Variants in PRKG1 observed in about 807,000 individuals in gnomAD.
PRKG1 encodes protein kinase cGMP-dependent 1.
PRKG1 carries 35 observed loss-of-function variants against 88.1 expected under a neutral mutation model. That is an observed-to-expected ratio of 0.40 (90% CI 0.30 to 0.53). The LOEUF is 0.53. PRKG1 is among the 20% of genes least tolerant of loss of function. The pLI is 0.59. For synonymous variants in PRKG1, 303 were observed against 292.5 expected (o/e 1.04, Z -0.37); for missense variants, 540 against 839.8 (o/e 0.64, Z 4.41).
chr10:51,348,202 T>G (rs1415065523), intron 2 of PRKG1, among the ~76,000 whole-genome samples: 1 of 152,142 alleles, frequency 6.6e-6, no homozygotes, highest in African/African-American at 2.4e-5. Context: ...AAAGGCCACT[T>G]AAGTCCACAT....
chr10:52,205,530 G>A (rs896207072), intron 9 of PRKG1, among the ~76,000 whole-genome samples: 3 of 152,166 alleles, frequency 2.0e-5, no homozygotes, highest in Admixed American at 6.5e-5. Flanking sequence ...CTTTAAAAGT[G>A]TGTTTTTTTG....
At chr10:51,424,344 A>C (rs1052786704) in intron 2 of PRKG1, among the ~76,000 whole-genome samples, 1 of 152,058 alleles carries the variant, frequency 6.6e-6, no homozygotes, top group Non-Finnish European at 1.5e-5. Flanking sequence ...TGAATTACAG[A>C]TCTTTCAAAT....
At chr10:51,329,807 G>A (rs966380653) in intron 2 of PRKG1, among the ~76,000 whole-genome samples, 3 of 151,840 alleles carry the variant, frequency 2.0e-5, no homozygotes, top group South Asian at 4.2e-4. Flanking sequence ...TTTTTGCTGC[G>A]AAGTCTTCTG....
At chr10:51,700,641 A>G (rs917880036) in intron 3 of PRKG1, among the ~76,000 whole-genome samples, 18 of 152,312 alleles carry the variant, frequency 1.2e-4, no homozygotes, top group African/African-American at 4.1e-4. Flanking sequence ...TCCCAAGGAC[A>G]AGCAGCTGGA....
chr10:51,223,522 A>G (rs1305670636), intron 2 of PRKG1, among the ~76,000 whole-genome samples: 1 of 152,280 alleles, frequency 6.6e-6, no homozygotes, highest in Middle Eastern at 3.4e-3. Flanking sequence ...ATCTATATAA[A>G]TGTATTCTCT....
chr10:51,135,458 C>T (rs1845664757), intron 1 of PRKG1, among the ~76,000 whole-genome samples: 1 of 152,000 alleles, frequency 6.6e-6, no homozygotes, highest in African/African-American at 2.4e-5. Flanking sequence ...TTCAGGGGCA[C>T]TCAGAAGTTT....
At position 52,133,965 on chromosome 10, in the gene PRKG1, T is replaced by C; in HGVS notation, c.1001+60T>C. On this transcript the variant is annotated intron_variant, in intron 8 of 17. Transcript: ENST00000373980. ...TCATATCAGCAACACACATGAGTTC[T>C]TGGAATTAGACATCATTTTATGGAG... 3 of 1,315,600 alleles carry C rather than the reference T, an allele frequency of 2.3e-6. No homozygotes were observed. In the South Asian group the frequency reaches 3.8e-5, roughly 16 times the overall value. The allele number at this position is 1,315,600 out of a possible 1,614,324, so 81.5% of individuals were successfully genotyped here.
intron 1 of PRKG1, among the ~76,000 whole-genome samples, chr10:51,077,045 GA>G (rs938262325): frequency 2.0e-5 from 3 of 151,984 alleles, no homozygotes; most frequent in African/African-American, 7.2e-5. Flanking sequence ...AAGAAAACTA[GA>G]AAAAAATTGG....
Position 51,091,756 on chromosome 10 carries a change from C to T in PRKG1, c.311+16855C>T, listed in dbSNP as rs7078948. Among the ~76,000 whole-genome samples the T allele has an allele frequency of 3.2e-3, 485 of 152,178 alleles. 2 individuals are homozygous for T. The highest frequency in any genetic ancestry group is 0.011 in the African/African-American group (452 of 41,518). On this transcript the variant is annotated intron_variant, in intron 1 of 17. Transcript: ENST00000373980. ...CAGGTTGCCATTTATAGAATACTTA[C>T]GGTGTGCAGGCATTCTACTGAGGAT... is the stretch of plus-strand genomic sequence containing the variant.
chr10:51,365,421 A>G (rs17600621), intron 2 of PRKG1, among the ~76,000 whole-genome samples: 1,834 of 152,076 alleles, frequency 0.012, 13 homozygotes, highest in Non-Finnish European at 0.017. Context: ...GTATAATGTC[A>G]TGAGATAAGA....
intron 5 of PRKG1, among the ~76,000 whole-genome samples, chr10:51,976,380 A>T (rs1843833040): frequency 6.6e-6 from 1 of 152,106 alleles, no homozygotes; most frequent in South Asian, 2.1e-4. Context: ...ACGGAAAAAC[A>T]AAATGTGATA....
At chr10:51,810,645 A>G (rs1673206400) in intron 4 of PRKG1, among the ~76,000 whole-genome samples, 1 of 152,200 alleles carries the variant, frequency 6.6e-6, no homozygotes, top group Non-Finnish European at 1.5e-5. Context: ...TATATCCAAC[A>G]TATTGTTAAA....
At chr10:51,249,076 A>T (rs868330559) in intron 2 of PRKG1, among the ~76,000 whole-genome samples, 2 of 151,856 alleles carry the variant, frequency 1.3e-5, no homozygotes, top group African/African-American at 4.8e-5. Flanking sequence ...AAATTTTTAA[A>T]AACATGATAA....
intron 9 of PRKG1, among the ~76,000 whole-genome samples, chr10:52,223,497 A>G (rs566361826): frequency 6.6e-6 from 1 of 152,232 alleles, no homozygotes; most frequent in East Asian, 1.9e-4. Flanking sequence ...CAATAGTTCT[A>G]TGTCGGCATG....
intron 4 of PRKG1, among the ~76,000 whole-genome samples, chr10:51,905,882 C>T (rs927591035): frequency 2.6e-5 from 4 of 152,018 alleles, no homozygotes; most frequent in Admixed American, 1.3e-4. Flanking sequence ...ATTTATAAAT[C>T]GCTGAAAATA....
chr10:51,456,102 G>A (rs532437809), intron 2 of PRKG1, among the ~76,000 whole-genome samples: 17 of 152,216 alleles, frequency 1.1e-4, no homozygotes, highest in Non-Finnish European at 2.1e-4. Flanking sequence ...TGAAAGTGAA[G>A]GAAGAGCAAA....
At chr10:51,554,564 A>C (rs1837260952) in intron 3 of PRKG1, among the ~76,000 whole-genome samples, 1 of 151,116 alleles carries the variant, frequency 6.6e-6, no homozygotes, top group Non-Finnish European at 1.5e-5. Flanking sequence ...CTCTTCCAGG[A>C]AGACTTCCAA....
At chr10:51,524,246 C>T (rs1334239451) in intron 3 of PRKG1, among the ~76,000 whole-genome samples, 4 of 152,086 alleles carry the variant, frequency 2.6e-5, no homozygotes, top group Admixed American at 6.5e-5. Context: ...TGCAATCTCA[C>T]GTATTTGTTT....
intron 3 of PRKG1, among the ~76,000 whole-genome samples, chr10:51,754,346 T>C (rs1211080535): frequency 6.6e-6 from 1 of 152,196 alleles, no homozygotes; most frequent in Non-Finnish European, 1.5e-5. Flanking sequence ...TCCTCTGTCA[T>C]TCAGTGGCAA....
Sources: gnomAD v4.1 joint callset for allele counts (sites outside exome capture counted in the v4.1 genomes callset) on GRCh38, gnomAD v4.1.1 for gene constraint, MANE v1.5 for transcripts, NCBI Gene and HGNC (gene_info 2026-07-23, HGNC 2026-07-21) for gene names.